The following ZNF585B variants were observed in gnomAD, a reference collection of about 807,000 sequenced individuals.
ZNF585B encodes zinc finger protein 585B.
ZNF585B carries 7 observed loss-of-function variants against 14.0 expected under a neutral mutation model. The ratio of observed to expected loss-of-function variants is 0.50; its 90% CI spans 0.28 to 0.94. The LOEUF (loss-of-function observed/expected upper bound fraction) is 0.94. ZNF585B is among the 40% of genes least tolerant of loss of function. The probability of loss-of-function intolerance (pLI) is 0.09; values close to 1 mark genes in which losing one functional copy is unlikely to be tolerated. For missense variants in ZNF585B, 750 were observed against 924.4 expected (o/e 0.81, Z 2.45); for synonymous variants, 290 against 317.3 (o/e 0.91, Z 0.91).
rs777186784 is a variant in ZNF585B, at chr19:37,186,640, T to C, written c.897A>G (p.Glu299=). 15 of 1,614,104 alleles carry C rather than the reference T, an allele frequency of 9.3e-6. No individual in the cohort carries two copies. The highest frequency in any genetic ancestry group is 1.7e-5 in the Admixed American group (1 of 59,998). ...TGAAGGATTTGCCACAGTTATTGCA[T>C]TCATATGGTTTTTCTCCACTATGAA... The part of the protein sequence containing the change: ...RRIHSGEKPY[E]CNNCGKSFIS... Residue 299 remains glutamate, a synonymous_variant, in exon 5 of 5, where the codon GAA becomes GAG. Transcript: ENST00000532828.
chr19:37,208,141 T>A (rs139752558), intron 1 of ZNF585B, among the ~76,000 whole-genome samples: 183 of 152,174 alleles, frequency 1.2e-3, no homozygotes, highest in African/African-American at 4.2e-3. Context: ...CCCAGCTAAT[T>A]TTTGTATTTT....
At position 37,186,550 on chromosome 19, in the gene ZNF585B, G is replaced by C. The variant is rs772334575; in HGVS notation, c.987C>G (p.Thr329=). The change falls in exon 5 of 5, where the codon ACC becomes ACG. Residue 329 remains threonine (T), a synonymous_variant. Transcript: ENST00000532828. ...TATTGCTGAAGACCTTCCCATATTC[G>C]GTACATATATAGGGCTTCACTCTTG... ...VHTRVKPYIC[T]EYGKVFSNNS... 1.9e-6 allele frequency: 3 copies of C among 1,613,918 alleles called. No individual in the cohort carries two copies. Among genetic ancestry groups the C allele is most frequent in the Non-Finnish European group, 2.5e-6 (3 of 1,180,022 alleles).
intron 4 of ZNF585B, among the ~76,000 whole-genome samples, chr19:37,189,208 GA>G (rs1649044353): frequency 6.6e-6 from 1 of 152,130 alleles, no homozygotes; most frequent in Admixed American, 6.5e-5. Context: ...AAAGTGCTGG[GA>G]TTACAGGCAT....
chr19:37,191,022 A>G (rs1972394539), intron 2 of ZNF585B, among the ~76,000 whole-genome samples: 1 of 152,182 alleles, frequency 6.6e-6, no homozygotes, highest in Non-Finnish European at 1.5e-5. Flanking sequence ...GCTTCATCAC[A>G]CATTGATCCA....
At chr19:37,197,494 C>T (rs926192566) in intron 2 of ZNF585B, among the ~76,000 whole-genome samples, 10 of 152,000 alleles carry the variant, frequency 6.6e-5, no homozygotes, top group African/African-American at 2.2e-4. Flanking sequence ...GGGTATATAC[C>T]CAGTAACGGG....
At chr19:37,189,932 C>A in intron 3 of ZNF585B, 92 bp downstream of exon 3, 1 of 1,579,304 alleles carries the variant, frequency 6.3e-7, no homozygotes, top group Non-Finnish European at 8.6e-7. Context: ...ACAAAACCAT[C>A]ACCTATCTAA....
intron 1 of ZNF585B, among the ~76,000 whole-genome samples, chr19:37,209,387 G>A (rs777462475): frequency 9.9e-5 from 15 of 152,138 alleles, no homozygotes; most frequent in Non-Finnish European, 1.9e-4. Context: ...ACAGGCGTGA[G>A]CCACCAGGCC....
chr19:37,204,803 G>A (rs1024481239), intron 2 of ZNF585B, among the ~76,000 whole-genome samples: 7 of 151,334 alleles, frequency 4.6e-5, no homozygotes, highest in Non-Finnish European at 1.0e-4. Context: ...CTGGAGTGCA[G>A]TGGTGCAATC....
intron 2 of ZNF585B, among the ~76,000 whole-genome samples, chr19:37,204,519 A>G (rs1336317311): frequency 6.6e-6 from 1 of 152,244 alleles, no homozygotes; most frequent in Non-Finnish European, 1.5e-5. Context: ...AAATCAGAAC[A>G]TTCTTCAAAC....
At chr19:37,206,238 G>A (rs1319533580) in intron 2 of ZNF585B, among the ~76,000 whole-genome samples, 1 of 152,000 alleles carries the variant, frequency 6.6e-6, no homozygotes, top group Non-Finnish European at 1.5e-5. Flanking sequence ...GATCACCTGA[G>A]ATCAGGAGTT....
At position 37,186,209 on chromosome 19, in the gene ZNF585B, C is replaced by A; in HGVS notation, c.1328G>T (p.Cys443Phe). The A allele has an allele frequency of 6.2e-7, 1 of 1,614,162 alleles. No homozygotes were observed. ...TGACTTGGAAGTAAACAATTTCCCA[C>A]AGTGACCACATTTATAAGGTTTCTC... Reference protein sequence around the residue: ...TGEKPYKCGHCGKLFTSKSQL... With the variant: ...TGEKPYKCGHFGKLFTSKSQL... The change falls in exon 5 of 5, where the codon TGT (cysteine) becomes TTT (phenylalanine). Residue 443 changes from cysteine (C) to phenylalanine (F), a missense_variant. Physicochemically the swap from Cys to Phe is radical, Grantham distance 205 (BLOSUM62 -2). This residue lies in a region of ZNF585B where 517 missense variants were observed against 570.3 expected (regional missense o/e 0.91). Transcript: ENST00000532828.
chr19:37,186,911 G>C lies in ZNF585B; in HGVS notation c.626C>G (p.Thr209Ser). The change falls in exon 5 of 5, where the codon ACC becomes AGC. Residue 209 changes from threonine (T) to serine (S), a missense_variant. By Grantham distance (58) the Thr-to-Ser change is moderately conservative. This residue lies in a region of ZNF585B where 517 missense variants were observed against 570.3 expected (regional missense o/e 0.91). Coordinates refer to ENST00000532828, the MANE Select transcript of ZNF585B (RefSeq NM_152279.4). ...SSLFRHHRIH[T>S]GEKLYECSEC... ...ACTACATTCATATAGTTTTTCTCCG[G>C]TATGAATTCTGTGATGCCTGAAAAG... is the stretch of plus-strand genomic sequence containing the variant. 6.2e-7 allele frequency: 1 copy of C among 1,614,020 alleles called. No homozygotes were observed. The highest frequency in any genetic ancestry group is 8.5e-7 in the Non-Finnish European group (1 of 1,179,994).
At chr19:37,204,750 C>CTT (rs752663616) in intron 2 of ZNF585B, among the ~76,000 whole-genome samples, 3 of 140,828 alleles carry the variant, frequency 2.1e-5, no homozygotes, top group Non-Finnish European at 4.7e-5. Flanking sequence ...AATTGTTTTT[C>CTT]TTTTTTTTTT....
At chr19:37,206,670 A>C (rs1397552841) in intron 2 of ZNF585B, among the ~76,000 whole-genome samples, 1 of 152,210 alleles carries the variant, frequency 6.6e-6, no homozygotes, top group Non-Finnish European at 1.5e-5. Flanking sequence ...AAGAAAACAG[A>C]GAAAACATTT....
rs1410838325 is a variant in ZNF585B at position 37,181,989 on chromosome 19, C to T, written c.*3238G>A. 1 of 152,054 alleles carries T rather than the reference C, an allele frequency of 6.6e-6. No homozygotes were observed. Among genetic ancestry groups the T allele is most frequent in the Non-Finnish European group, 1.5e-5 (1 of 68,022 alleles). The allele number at this position is 152,054 out of a possible 1,614,324, so 9.4% of individuals were successfully genotyped here. On this transcript the variant is annotated 3_prime_UTR_variant, in exon 5 of 5. Transcript: ENST00000532828. ...GACTGAACCCTAATTAAACCATGGACTTTGGCCGATAGTGTCAATGTAGTT... is the reference window on the plus strand; with the variant it reads ...GACTGAACCCTAATTAAACCATGGATTTTGGCCGATAGTGTCAATGTAGTT...
intron 2 of ZNF585B, among the ~76,000 whole-genome samples, chr19:37,205,425 C>G (rs527989373): frequency 2.6e-4 from 39 of 152,176 alleles, no homozygotes; most frequent in African/African-American, 9.4e-4. Flanking sequence ...ATATCCACTG[C>G]GATATTGTTC....
intron 2 of ZNF585B, among the ~76,000 whole-genome samples, chr19:37,198,144 G>A (rs1463206916): frequency 6.6e-6 from 1 of 152,006 alleles, no homozygotes; most frequent in Non-Finnish European, 1.5e-5. Context: ...ATAGAGATTA[G>A]CTGAATAGAG....
chr19:37,187,176 G>T lies in ZNF585B; in HGVS notation c.361C>A (p.Gln121Lys), dbSNP rs1351739398. 1 of 1,613,218 alleles carries T rather than the reference G, an allele frequency of 6.2e-7. No individual in the cohort carries two copies. Among genetic ancestry groups the T allele is most frequent in the Admixed American group, 1.7e-5 (1 of 59,824 alleles). Residue 121 changes from glutamine (Q) to lysine (K), a missense_variant, in exon 5 of 5, where the codon CAA becomes AAA. This residue lies in a region of ZNF585B where 517 missense variants were observed against 570.3 expected (regional missense o/e 0.91). Transcript: ENST00000532828. Reference protein sequence around the residue: ...IGYKPASSQDQKIYSGEKSYE... With the variant: ...IGYKPASSQDKKIYSGEKSYE... ...GATTTTTCCCCAGAATAAATTTTTT[G>T]ATCTTGAGAGGAAGCTGGTTTATAA...
Position 37,195,115 on chromosome 19 carries a change from C to T in ZNF585B, c.73-4965G>A, listed in dbSNP as rs376421112. ...ATCCCAGCACTTTGGGGGGCCGAGG[C>T]GGGTGGATCACATGAGGTCAGGAGT... On this transcript the variant is annotated intron_variant, in intron 2 of 4. Coordinates refer to ENST00000532828, the MANE Select transcript of ZNF585B (RefSeq NM_152279.4). Among the ~76,000 whole-genome samples the T allele has an allele frequency of 8.6e-5, 13 of 151,788 alleles. No homozygotes were observed. In the East Asian group the frequency reaches 1.2e-3, roughly 14 times the overall value.
Sources: allele counts gnomAD v4.1 joint callset (sites outside exome capture counted in the v4.1 genomes callset), GRCh38; gene constraint gnomAD v4.1.1; regional missense constraint gnomAD v4.1.1; transcripts MANE v1.5; gene names NCBI Gene and HGNC (gene_info 2026-07-23, HGNC 2026-07-21).